Variants in RHBDL2 observed in about 807,000 individuals in gnomAD.
RHBDL2 encodes rhomboid-related protein 2.
In RHBDL2, 26 loss-of-function variants were observed where a neutral mutation model predicts 31.7. That is an observed-to-expected ratio of 0.82 (90% CI 0.60 to 1.14). The LOEUF is 1.14. RHBDL2 is among the 50% of genes most tolerant of loss of function. The pLI is 0.00. For missense variants in RHBDL2, 336 were observed against 364.4 expected, an observed-to-expected ratio of 0.92 and a Z score of 0.63; for synonymous variants, 123 against 127.2, an observed-to-expected ratio of 0.97 and a Z score of 0.22.
intron 2 of RHBDL2, among the ~76,000 whole-genome samples, chr1:38,916,782 A>G (rs1488524932): frequency 6.6e-6 from 1 of 151,186 alleles, no homozygotes; most frequent in Non-Finnish European, 1.5e-5. Context: ...GAGTCAGGAG[A>G]ATCACTTGAC....
At chr1:38,927,112 T>C (rs1643386325) in intron 1 of RHBDL2, 1 of 151,672 alleles carries the variant, frequency 6.6e-6, no homozygotes, top group South Asian at 2.1e-4. Context: ...ACTAAGTCTT[T>C]GTGTGACTTT....
At chr1:38,924,782 CTTTTTTTT>C (rs111244874) in intron 1 of RHBDL2, among the ~76,000 whole-genome samples, 1 of 125,834 alleles carries the variant, frequency 7.9e-6, no homozygotes, top group African/African-American at 3.1e-5. Context: ...TTTCTTTTTT[CTTTTTTTT>C]TTTTTTTTTG....
At chr1:38,924,043 G>T (rs1445736497) in intron 1 of RHBDL2, among the ~76,000 whole-genome samples, 1 of 151,390 alleles carries the variant, frequency 6.6e-6, no homozygotes, top group South Asian at 2.1e-4. Flanking sequence ...GGAGAGAAAA[G>T]AACCAAAACC....
chr1:38,900,820 G>C (rs1642979589), intron 4 of RHBDL2, among the ~76,000 whole-genome samples: 1 of 152,050 alleles, frequency 6.6e-6, no homozygotes, highest in Admixed American at 6.6e-5. Context: ...GGCCAAGGCA[G>C]GAGGATCACT....
At chr1:38,889,452 C>T (rs1236025719) in intron 6 of RHBDL2, among the ~76,000 whole-genome samples, 2 of 151,996 alleles carry the variant, frequency 1.3e-5, no homozygotes, top group Non-Finnish European at 2.9e-5. Context: ...TATAAGGGAG[C>T]AAGAACAGGA....
Position 38,934,658 on chromosome 1 carries a change from CA to C in RHBDL2, c.-126+7023del, listed in dbSNP as rs369758227. ...CCTGAGTGACAGAGCAAGACTGTCTCAAAAAAAAAAAAAAAATGGCTGGGCG... is the reference window on the plus strand; with the variant it reads ...CCTGAGTGACAGAGCAAGACTGTCTCAAAAAAAAAAAAAAATGGCTGGGCG... On this transcript the variant is annotated intron_variant, in intron 1 of 7. Coordinates refer to ENST00000372990, the MANE Select transcript of RHBDL2 (RefSeq NM_017821.5). 1.0e-3 allele frequency among the ~76,000 whole-genome samples: 128 copies of C among 123,762 alleles called. 1 individual carries two copies. The highest frequency in any genetic ancestry group is 3.0e-3 in the Admixed American group (34 of 11,316). 81.2% of individuals were successfully genotyped at this position (123,762 alleles called of 152,430 possible).
intron 1 of RHBDL2, chr1:38,929,249 T>C (rs1243509284): frequency 2.4e-6 from 1 of 422,074 alleles, no homozygotes; most frequent in Non-Finnish European, 4.3e-6. Context: ...GTAGAGGAAG[T>C]GGCAGGTCAC....
chr1:38,898,507 T>C (rs1457097699), intron 4 of RHBDL2, among the ~76,000 whole-genome samples: 1 of 152,060 alleles, frequency 6.6e-6, no homozygotes, highest in South Asian at 2.1e-4. Flanking sequence ...GGACAACATA[T>C]AGGAAAGAAT....
intron 6 of RHBDL2, among the ~76,000 whole-genome samples, chr1:38,889,078 A>C (rs1211449584): frequency 6.6e-6 from 1 of 152,092 alleles, no homozygotes; most frequent in African/African-American, 2.4e-5. Context: ...TCTTGAGCAC[A>C]GGAGTGACAT....
At position 38,886,552 on chromosome 1, in the gene RHBDL2, A is replaced by T. The variant is rs777532936; in HGVS notation, c.864T>A (p.Cys288Ter). 6.2e-7 allele frequency: 1 copy of T among 1,603,132 alleles called. No individual in the cohort carries two copies. Among genetic ancestry groups the T allele is most frequent in the South Asian group, 1.1e-5 (1 of 89,022 alleles). Residue 288 changes from cysteine (C) to a stop codon, truncating the protein, a stop_gained, in exon 8 of 8, where the codon TGT becomes TGA. Transcript: ENST00000372990. LOFTEE classifies it high-confidence loss of function. ...TGTTGAAAAACACAGCAAATAAGAC[A>T]CAAGCTAAATATGCAGCAATTGCTA... is the stretch of plus-strand genomic sequence containing the variant. The part of the protein sequence containing the change: ...FWIAIAAYLA[C>*]VLFAVFFNIF...
intron 7 of RHBDL2, among the ~76,000 whole-genome samples, chr1:38,887,391 C>T (rs1254419547): frequency 6.6e-6 from 1 of 150,466 alleles, no homozygotes; most frequent in Non-Finnish European, 1.5e-5. Flanking sequence ...AAACCAACTG[C>T]TTTTTATTCT....
intron 6 of RHBDL2, among the ~76,000 whole-genome samples, chr1:38,888,805 T>TTTGTTG (rs1212740782): frequency 6.6e-6 from 1 of 151,956 alleles, no homozygotes; most frequent in Non-Finnish European, 1.5e-5. Flanking sequence ...TGTTTTTGTT[T>TTTGTTG]TTGTTTTTGT....
At chr1:38,888,089 T>TG in intron 6 of RHBDL2, 65 bp from the exon 7 acceptor site, 1 of 1,053,356 alleles carries the variant, frequency 9.5e-7, no homozygotes, top group Non-Finnish European at 1.4e-6. Context: ...ATGTTTTTGG[T>TG]TCCCCTCTAA....
At chr1:38,940,897 T>TA (rs533957595) in intron 1 of RHBDL2, among the ~76,000 whole-genome samples, 10 of 151,414 alleles carry the variant, frequency 6.6e-5, no homozygotes, top group South Asian at 6.2e-4. Flanking sequence ...CCTGTCTCTT[T>TA]AAAAAAAAAT....
At chr1:38,888,947 G>A (rs1481572077) in intron 6 of RHBDL2, among the ~76,000 whole-genome samples, 2 of 152,188 alleles carry the variant, frequency 1.3e-5, no homozygotes, top group African/African-American at 4.8e-5. Context: ...CTGGACTAGA[G>A]TTAGGGATAA....
chr1:38,915,083 T>C (rs1409663129), intron 3 of RHBDL2, among the ~76,000 whole-genome samples: 8 of 151,764 alleles, frequency 5.3e-5, no homozygotes, highest in Non-Finnish European at 1.2e-4. Flanking sequence ...ACTAGTGGGC[T>C]GAGGTCCTAG....
intron 1 of RHBDL2, among the ~76,000 whole-genome samples, chr1:38,920,220 T>C (rs1557619936): frequency 7.7e-6 from 1 of 129,494 alleles, no homozygotes; most frequent in Non-Finnish European, 1.5e-5. Context: ...CAGGCTGGAG[T>C]CCAGTGGTGC....
intron 1 of RHBDL2, among the ~76,000 whole-genome samples, chr1:38,922,081 C>A (rs1351909512): frequency 1.3e-5 from 2 of 152,138 alleles, no homozygotes; most frequent in Non-Finnish European, 2.9e-5. Flanking sequence ...TCAAGACCAC[C>A]ATTTTAAATA....
chr1:38,915,385 T>A (rs1400901627), intron 3 of RHBDL2, 177 bp downstream of exon 3: 2 of 599,586 alleles, frequency 3.3e-6, no homozygotes, highest in Non-Finnish European at 2.9e-6. Context: ...TCAGCCTCCA[T>A]GACTACATCT....
Sources: gnomAD v4.1 joint callset for allele counts (sites outside exome capture counted in the v4.1 genomes callset) on GRCh38, gnomAD v4.1.1 for gene constraint, MANE v1.5 for transcripts, NCBI Gene and HGNC (gene_info 2026-07-23, HGNC 2026-07-21) for gene names.